The following PLPP4 variants were observed in gnomAD, a reference collection of about 807,000 sequenced individuals.
The protein encoded by PLPP4 is diacylglycerol pyrophosphate like 2.
A neutral mutation model predicts 32.2 loss-of-function variants in PLPP4; 20 were observed. The observed-to-expected ratio is 0.62, with a 90% confidence interval of 0.44 to 0.90. The LOEUF (loss-of-function observed/expected upper bound fraction) is 0.90. Among genes scored for constraint, PLPP4 ranks in the 40% least tolerant of loss-of-function variants. The pLI is 0.00. For missense variants in PLPP4, 257 were observed against 353.1 expected (o/e 0.73, Z 2.18); for synonymous variants, 127 against 133.0 (o/e 0.95, Z 0.31).
At chr10:120,480,459 A>G (rs932870539) in intron 1 of PLPP4, among the ~76,000 whole-genome samples, 1 of 152,234 alleles carries the variant, frequency 6.6e-6, no homozygotes, top group South Asian at 2.1e-4. Flanking sequence ...TGCGAATGAC[A>G]GAAGACCGAG....
At chr10:120,545,715 G>A (rs944749281) in intron 5 of PLPP4, among the ~76,000 whole-genome samples, 1 of 152,178 alleles carries the variant, frequency 6.6e-6, no homozygotes, top group African/African-American at 2.4e-5. Flanking sequence ...CTGCCTTCCA[G>A]TTTTTTATTT....
At chr10:120,569,512 C>G (rs971625125) in intron 5 of PLPP4, among the ~76,000 whole-genome samples, 2 of 152,216 alleles carry the variant, frequency 1.3e-5, no homozygotes, top group Admixed American at 1.3e-4. Context: ...TTTCCTGCCT[C>G]TGACATTTGC....
intron 1 of PLPP4, among the ~76,000 whole-genome samples, chr10:120,477,050 G>A (rs1015029844): frequency 2.0e-5 from 3 of 152,184 alleles, no homozygotes; most frequent in African/African-American, 2.4e-5. Flanking sequence ...CTTAAATCCA[G>A]TCTCTCCCTG....
intron 1 of PLPP4, among the ~76,000 whole-genome samples, chr10:120,481,859 A>T (rs76067256): frequency 2.6e-5 from 4 of 152,178 alleles, no homozygotes; most frequent in Non-Finnish European, 4.4e-5. Flanking sequence ...TAATTGAATC[A>T]TGGGGGCAGG....
intron 6 of PLPP4, among the ~76,000 whole-genome samples, chr10:120,578,298 G>T (rs145982880): frequency 9.2e-4 from 140 of 152,320 alleles, no homozygotes; most frequent in African/African-American, 3.3e-3. Context: ...AGTGTAGGTG[G>T]ATGTTTCAGG....
intron 5 of PLPP4, among the ~76,000 whole-genome samples, chr10:120,555,403 A>G (rs1318720056): frequency 6.6e-6 from 1 of 152,150 alleles, no homozygotes; most frequent in Admixed American, 6.5e-5. Flanking sequence ...AGTTTAGATA[A>G]AAAGGACTTT....
chr10:120,583,260 C>G (rs1343763439), intron 6 of PLPP4, among the ~76,000 whole-genome samples: 3 of 151,732 alleles, frequency 2.0e-5, no homozygotes, highest in Non-Finnish European at 4.4e-5. Context: ...CAGCCTGGCA[C>G]CTCAGTATGG....
At chr10:120,558,224 C>T (rs1404655899) in intron 5 of PLPP4, among the ~76,000 whole-genome samples, 1 of 151,776 alleles carries the variant, frequency 6.6e-6, no homozygotes, top group Non-Finnish European at 1.5e-5. Context: ...TTTACATGTG[C>T]ACACATACAC....
intron 5 of PLPP4, among the ~76,000 whole-genome samples, chr10:120,531,693 A>G (rs141356906): frequency 5.9e-5 from 9 of 152,080 alleles, no homozygotes; most frequent in African/African-American, 2.2e-4. Context: ...CTTTCCTTTC[A>G]CTATCAAATT....
chr10:120,514,393 C>T (rs903529765), intron 3 of PLPP4, among the ~76,000 whole-genome samples: 2 of 152,174 alleles, frequency 1.3e-5, no homozygotes, highest in Non-Finnish European at 2.9e-5. Flanking sequence ...CAGCAATCAA[C>T]CACAGACTCC....
chr10:120,470,626 A>T (rs987886794), intron 1 of PLPP4, among the ~76,000 whole-genome samples: 1 of 152,192 alleles, frequency 6.6e-6, no homozygotes, highest in Non-Finnish European at 1.5e-5. Context: ...TTTGTCGGTT[A>T]TGGAATAGTC....
chr10:120,468,207 G>A (rs1848392671), intron 1 of PLPP4, among the ~76,000 whole-genome samples: 1 of 65,074 alleles, frequency 1.5e-5, no homozygotes, highest in African/African-American at 3.3e-5. Flanking sequence ...TAGTGTGTAC[G>A]TGTCTTTATT....
intron 6 of PLPP4, among the ~76,000 whole-genome samples, chr10:120,578,679 A>G (rs557322313): frequency 6.6e-6 from 1 of 152,298 alleles, no homozygotes; most frequent in Admixed American, 6.5e-5. Context: ...AAATATACAA[A>G]TCTATTGTTT....
intron 5 of PLPP4, among the ~76,000 whole-genome samples, chr10:120,574,400 G>A (rs1450789960): frequency 1.3e-5 from 2 of 152,040 alleles, no homozygotes; most frequent in Admixed American, 6.6e-5. Flanking sequence ...ATACCTGCTT[G>A]GATGTAAAGC....
rs59076083 is a variant in PLPP4, at chr10:120,580,642, T to TACACACACACAC, written c.616+5368_616+5379dup. Among the ~76,000 whole-genome samples the TACACACACACAC allele has an allele frequency of 9.5e-4, 91 of 95,742 alleles. 2 individuals carry two copies. Among genetic ancestry groups the TACACACACACAC allele is most frequent in the African/African-American group, 1.9e-3 (50 of 25,952 alleles). 62.8% of individuals were successfully genotyped at this position (95,742 alleles called of 152,430 possible). A position where few individuals can be genotyped will look rare whatever the true frequency, so the allele number is the denominator to read the frequency against. ...CATCTCTCTGTCTGCCTCTGTCTCT[T>TACACACACACAC]ACACACACACACACACACACACACA... On this transcript the variant is annotated intron_variant, in intron 6 of 6. Transcript: ENST00000398250.
chr10:120,457,889 C>T (rs1161985804), intron 1 of PLPP4, among the ~76,000 whole-genome samples: 1 of 152,204 alleles, frequency 6.6e-6, no homozygotes, highest in African/African-American at 2.4e-5. Flanking sequence ...GAAACTGTTG[C>T]TGTGGAGGCT....
chr10:120,494,769 C>A (rs1464043559), intron 1 of PLPP4, among the ~76,000 whole-genome samples: 1 of 152,188 alleles, frequency 6.6e-6, no homozygotes, highest in East Asian at 1.9e-4. Flanking sequence ...GTCTTCATTT[C>A]TTTTTCCACC....
At chr10:120,571,932 T>G (rs1848959604) in intron 5 of PLPP4, among the ~76,000 whole-genome samples, 1 of 152,076 alleles carries the variant, frequency 6.6e-6, no homozygotes, top group African/African-American at 2.4e-5. Flanking sequence ...AGCATAAGGT[T>G]TAGCATGAAA....
intron 6 of PLPP4, among the ~76,000 whole-genome samples, chr10:120,579,368 C>CT: frequency 6.6e-6 from 1 of 152,038 alleles, no homozygotes; most frequent in East Asian, 1.9e-4. Flanking sequence ...TGGAAAGCGT[C>CT]TCGGTCATTC....
Sources: gnomAD v4.1 joint callset for allele counts (sites outside exome capture counted in the v4.1 genomes callset) on GRCh38, gnomAD v4.1.1 for gene constraint, MANE v1.5 for transcripts, NCBI Gene and HGNC (gene_info 2026-07-23, HGNC 2026-07-21) for gene names.